Variants in HLTF observed in about 807,000 individuals in gnomAD.
HLTF encodes helicase like transcription factor.
HLTF carries 127 observed loss-of-function variants against 129.4 expected under a neutral mutation model. The ratio of observed to expected loss-of-function variants is 0.98; its 90% CI spans 0.85 to 1.14. The LOEUF is 1.14. Ranked by LOEUF, HLTF falls within the 50% of genes most tolerant of loss-of-function variation. The pLI, the probability that HLTF is intolerant of heterozygous loss-of-function variation, is 0.00. For missense variants in HLTF, 1,139 were observed against 1,187.1 expected, an observed-to-expected ratio of 0.96 and a Z score of 0.60; for synonymous variants, 332 against 388.8, an observed-to-expected ratio of 0.85 and a Z score of 1.72.
intron 7 of HLTF, among the ~76,000 whole-genome samples, chr3:149,069,039 A>G (rs1260895098): frequency 1.3e-5 from 2 of 152,192 alleles, no homozygotes; most frequent in Admixed American, 6.5e-5. Flanking sequence ...TAACATCTGC[A>G]CTAATCCTAC....
chr3:149,045,381 G>A (rs1716457950), intron 18 of HLTF, among the ~76,000 whole-genome samples: 1 of 151,944 alleles, frequency 6.6e-6, no homozygotes, highest in Non-Finnish European at 1.5e-5. Context: ...TAAATTATCT[G>A]TTTCTTCCCA....
At chr3:149,053,667 A>C (rs1405611296) in intron 14 of HLTF, among the ~76,000 whole-genome samples, 1 of 152,196 alleles carries the variant, frequency 6.6e-6, no homozygotes, top group Non-Finnish European at 1.5e-5. Context: ...TCATTCCTTT[A>C]AATTCACAGA....
At chr3:149,040,958 A>AAT (rs1046547920) in intron 20 of HLTF, among the ~76,000 whole-genome samples, 1 of 152,156 alleles carries the variant, frequency 6.6e-6, no homozygotes, top group African/African-American at 2.4e-5. Flanking sequence ...ACTTCAAAAA[A>AAT]ATTCTACCAC....
chr3:149,063,681 C>A (rs1047969044), intron 9 of HLTF, among the ~76,000 whole-genome samples, 157 bp from the exon 10 acceptor site: 4 of 151,910 alleles, frequency 2.6e-5, no homozygotes, highest in Non-Finnish European at 5.9e-5. Flanking sequence ...TTTTCCTAAT[C>A]TAGTATTTCC....
rs766438860 is a variant in HLTF at position 149,055,336 on chromosome 3, G to C, written c.1440C>G (p.Ile480Met). Residue 480 changes from isoleucine (I) to methionine (M), a missense_variant, in exon 14 of 25, where the codon ATC (isoleucine) becomes ATG (methionine). Transcript: ENST00000310053. ...TGCTTAACACAGAAAGCGGACAGAT[G>C]ATCAGTGTTGTTCTTGGTCTCTCCT... The part of the protein sequence containing the change: ...DVEERPRTTL[I>M]ICPLSVLSNW... 8.1e-6 allele frequency: 13 copies of C among 1,613,580 alleles called. No individual in the cohort carries two copies. The South Asian group carries it at 1.3e-4, about 16-fold the overall frequency.
intron 9 of HLTF, among the ~76,000 whole-genome samples, chr3:149,064,281 C>T (rs780920069): frequency 6.6e-6 from 1 of 152,126 alleles, no homozygotes; most frequent in Non-Finnish European, 1.5e-5. Flanking sequence ...TTGTTATTTA[C>T]AATTTTTCAC....
At chr3:149,035,602 T>C (rs938564277) in intron 23 of HLTF, among the ~76,000 whole-genome samples, 9 of 128,588 alleles carry the variant, frequency 7.0e-5, no homozygotes, top group Non-Finnish European at 1.1e-4. Flanking sequence ...GAGCCTGCAG[T>C]GAGCCGAGAT....
At chr3:149,075,362 A>C (rs1719254443) in intron 3 of HLTF, among the ~76,000 whole-genome samples, 1 of 152,240 alleles carries the variant, frequency 6.6e-6, no homozygotes. Context: ...AGCCTGGCCA[A>C]CATGGCAAAT....
At chr3:149,050,098 T>C (rs1716860536) in intron 15 of HLTF, 134 bp downstream of exon 15, 4 of 439,222 alleles carry the variant, frequency 9.1e-6, no homozygotes, top group Non-Finnish European at 1.6e-5. Flanking sequence ...AAACCATTTA[T>C]TTTTCTATAT....
At chr3:149,040,481 A>G (rs989721660) in intron 20 of HLTF, among the ~76,000 whole-genome samples, 1 of 152,078 alleles carries the variant, frequency 6.6e-6, no homozygotes, top group African/African-American at 2.4e-5. Context: ...TAAATACAAT[A>G]CAGCTACACT....
At chr3:149,056,923 C>A (rs1717488859) in intron 13 of HLTF, among the ~76,000 whole-genome samples, 1 of 150,954 alleles carries the variant, frequency 6.6e-6, no homozygotes, top group Admixed American at 6.6e-5. Flanking sequence ...TCCTGGCTAA[C>A]ACGGTGAAAC....
At chr3:149,070,784 T>G (rs1249091456) in intron 7 of HLTF, among the ~76,000 whole-genome samples, 1 of 152,074 alleles carries the variant, frequency 6.6e-6, no homozygotes, top group African/African-American at 2.4e-5. Context: ...GTGGCTCACA[T>G]CTGTAACCCC....
chr3:149,030,414 A>AAACTT lies in HLTF; in HGVS notation c.*1801_*1805dup, dbSNP rs1714902589. The AAACTT allele has an allele frequency of 6.6e-6, 1 of 151,588 alleles. No homozygotes were observed. The highest frequency in any genetic ancestry group is 2.4e-5 in the African/African-American group (1 of 41,002). The allele number at this position is 151,588 out of a possible 1,614,324, so 9.4% of individuals were successfully genotyped here. On this transcript the variant is annotated 3_prime_UTR_variant, in exon 25 of 25. Transcript: ENST00000310053. ...AGAGACATTTTTTAAACAACTTGCC[A>AAACTT]AACTTACTTATGAGTGTGTTTTAAA...
At chr3:149,062,962 T>C (rs1718071468) in intron 10 of HLTF, 1 of 419,902 alleles carries the variant, frequency 2.4e-6, no homozygotes, top group Non-Finnish European at 4.8e-6. Context: ...GAATACTCTA[T>C]CTGCCTAAGT....
chr3:149,063,634 G>T, intron 9 of HLTF, 110 bp from the exon 10 acceptor site: 3 of 636,088 alleles, frequency 4.7e-6, no homozygotes, highest in South Asian at 1.9e-5. Flanking sequence ...GTTTTCTTAA[G>T]ATCTTCATTC....
At chr3:149,042,086 T>A in intron 19 of HLTF, 80 bp downstream of exon 19, 1 of 1,242,766 alleles carries the variant, frequency 8.0e-7, no homozygotes, top group Non-Finnish European at 1.2e-6. Flanking sequence ...ACTAAATGTA[T>A]GCCACATAAA....
chr3:149,079,779 G>A (rs1719718799), intron 2 of HLTF, among the ~76,000 whole-genome samples: 1 of 151,970 alleles, frequency 6.6e-6, no homozygotes, highest in South Asian at 2.1e-4. Flanking sequence ...TTTTAGTAGA[G>A]ATGGGGTTTC....
rs1715083464 is a variant in HLTF, at chr3:149,031,841, C to T, written c.*379G>A. 6.5e-6 allele frequency: 1 copy of T among 153,856 alleles called. No individual in the cohort carries two copies. The highest frequency in any genetic ancestry group is 2.4e-5 in the African/African-American group (1 of 41,472). 9.5% of individuals were successfully genotyped at this position (153,856 alleles called of 1,614,324 possible). A position where few individuals can be genotyped will look rare whatever the true frequency, so the allele number is the denominator to read the frequency against. The stretch of plus-strand genomic sequence containing the variant: ...ACAAATCGGAGGCTTTGGTAAATAA[C>T]TAAGTGTCCAACATAGAAAATAACT... On this transcript the variant is annotated 3_prime_UTR_variant, in exon 25 of 25. Coordinates refer to ENST00000310053, the MANE Select transcript of HLTF (RefSeq NM_003071.4).
At position 149,041,535 on chromosome 3, in the gene HLTF, A is replaced by G. The variant is rs1340968991; in HGVS notation, c.2331T>C (p.His777=). The change falls in exon 20 of 25, where the codon CAT becomes CAC. Residue 777 remains histidine (H), a synonymous_variant. Coordinates refer to ENST00000310053, the MANE Select transcript of HLTF (RefSeq NM_003071.4). ...LTVPVITHCA[H]VFCKPCICQV... ...GGCAAATACAGGGTTTACAAAATACATGTGCACAATGTGTTATCACAGGAA... is the reference window on the plus strand; with the variant it reads ...GGCAAATACAGGGTTTACAAAATACGTGTGCACAATGTGTTATCACAGGAA... 1.2e-6 allele frequency: 2 copies of G among 1,613,416 alleles called. No homozygotes were observed. Among genetic ancestry groups the G allele is most frequent in the South Asian group, 2.2e-5 (2 of 91,024 alleles).
Sources: gnomAD v4.1 joint callset for allele counts (sites outside exome capture counted in the v4.1 genomes callset) on GRCh38, gnomAD v4.1.1 for gene constraint, MANE v1.5 for transcripts, NCBI Gene and HGNC (gene_info 2026-07-23, HGNC 2026-07-21) for gene names.